The following RAPH1 variants were observed in gnomAD, a reference collection of about 807,000 sequenced individuals.
RAPH1 encodes the protein ras-associated and pleckstrin homology domains-containing protein 1.
In RAPH1, 18 loss-of-function variants were observed where a neutral mutation model predicts 88.1. That is an observed-to-expected ratio of 0.20 (90% CI 0.14 to 0.30). RAPH1 has a LOEUF of 0.30. Among genes scored for constraint, RAPH1 ranks in the 10% least tolerant of loss-of-function variants. The probability of loss-of-function intolerance (pLI) is 1.00; values close to 1 mark genes in which losing one functional copy is unlikely to be tolerated. For synonymous variants in RAPH1, 587 were observed against 559.0 expected (o/e 1.05, Z -0.71); for missense variants, 1,448 against 1,543.2 (o/e 0.94, Z 1.03).
In RAPH1 at chr2:203,528,997, A is replaced by AT. The variant is rs1559508261; in HGVS notation, c.-1+6113dup. 2.0e-4 allele frequency among the ~76,000 whole-genome samples: 16 copies of AT among 81,100 alleles called. 1 individual carries two copies. Among genetic ancestry groups the AT allele is most frequent in the African/African-American group, 7.9e-4 (12 of 15,188 alleles). The allele number at this position is 81,100 out of a possible 152,430, so 53.2% of individuals were successfully genotyped here. Reference sequence around the variant, plus strand: ...TGTTTTGCTATATATATATATATATATATATATATTTTTTTTTTTTTTTTT... The same window carrying AT: ...TGTTTTGCTATATATATATATATATATTATATATATTTTTTTTTTTTTTTTT... On this transcript the variant is annotated intron_variant, in intron 1 of 13. Coordinates refer to ENST00000319170, the MANE Select transcript of RAPH1 (RefSeq NM_213589.3).
chr2:203,504,039 T>C (rs910509412), intron 1 of RAPH1, among the ~76,000 whole-genome samples: 1 of 152,196 alleles, frequency 6.6e-6, no homozygotes, highest in Non-Finnish European at 1.5e-5. Context: ...TCCTGGCTGC[T>C]TTCACGGGCT....
intron 4 of RAPH1, among the ~76,000 whole-genome samples, chr2:203,475,743 C>T (rs1687390590): frequency 7.2e-6 from 1 of 139,520 alleles, no homozygotes. Context: ...TCCTACACTT[C>T]TTGTATAAAA....
In RAPH1 at chr2:203,489,889, T is replaced by C. The variant is rs1007128169; in HGVS notation, c.427A>G (p.Ile143Val). The change falls in exon 4 of 14, where the codon ATA becomes GTA. Residue 143 changes from isoleucine to valine, a missense_variant. Physicochemically the swap from Ile to Val is conservative, Grantham distance 29. Transcript: ENST00000319170. The part of the protein sequence containing the change: ...LKGLSSSSNR[I>V]AKPSHASYSL... Reference sequence around the variant, plus strand: ...TAGCTGGCATGGGAAGGTTTAGCTATCCTATTAGATGAAGAAGATAATCCT... The same window carrying C: ...TAGCTGGCATGGGAAGGTTTAGCTACCCTATTAGATGAAGAAGATAATCCT... 1.9e-6 allele frequency: 3 copies of C among 1,614,116 alleles called. No homozygotes were observed. Among genetic ancestry groups the C allele is most frequent in the East Asian group, 2.2e-5 (1 of 44,898 alleles).
At chr2:203,471,682 A>G (rs1346928679) in intron 4 of RAPH1, among the ~76,000 whole-genome samples, 1 of 152,204 alleles carries the variant, frequency 6.6e-6, no homozygotes, top group Non-Finnish European at 1.5e-5. Context: ...CATGTTACAG[A>G]AGACAATATA....
chr2:203,444,896 C>T lies in RAPH1; in HGVS notation c.1748G>A (p.Arg583Gln), dbSNP rs753262363. ...VSSVFSEAWK[R>Q]GTQLEESSKA... is the part of the protein sequence containing the mutation. The stretch of plus-strand genomic sequence containing the variant: ...GCTGGACTCTTCCAACTGAGTGCCT[C>T]GTTTCCAGGCTTCAGAGAATACGGA... The change falls in exon 13 of 14, where the codon CGA becomes CAA. Residue 583 changes from arginine (R) to glutamine (Q), a missense_variant. Physicochemically the swap from Arg to Gln is conservative, Grantham distance 43. Transcript: ENST00000319170. The T allele has an allele frequency of 2.5e-6, 4 of 1,613,996 alleles. No homozygotes were observed. The highest frequency in any genetic ancestry group is 2.2e-5 in the East Asian group (1 of 44,894).
At chr2:203,443,799 G>A (rs1039605331) in intron 13 of RAPH1, 2 of 152,258 alleles carry the variant, frequency 1.3e-5, no homozygotes, top group Non-Finnish European at 2.9e-5. Context: ...AGGCAAAATA[G>A]CCAGACCTTG....
At chr2:203,494,718 A>T in intron 2 of RAPH1, among the ~76,000 whole-genome samples, 2 of 151,290 alleles carry the variant, frequency 1.3e-5, no homozygotes, top group East Asian at 3.9e-4. Context: ...CTGAGGCAGG[A>T]GAATGGCGTG....
intron 7 of RAPH1, among the ~76,000 whole-genome samples, 190 bp downstream of exon 7, chr2:203,459,717 G>A (rs139938344): frequency 0.012 from 1,865 of 152,248 alleles, 19 homozygotes; most frequent in Non-Finnish European, 0.018. Flanking sequence ...GGCCTAACAC[G>A]TGGGCACCAG....
At chr2:203,502,003 AGCAACAAAGTTCCTTTT>A (rs1210085235) in intron 1 of RAPH1, among the ~76,000 whole-genome samples, 1 of 152,150 alleles carries the variant, frequency 6.6e-6, no homozygotes, top group Non-Finnish European at 1.5e-5. Flanking sequence ...CAAATTCTCT[AGCAACAAAGTTCCTTTT>A]GTAGACCAGT....
At chr2:203,446,934 T>A (rs1039826152) in intron 12 of RAPH1, 1 of 148,422 alleles carries the variant, frequency 6.7e-6, no homozygotes, top group East Asian at 2.0e-4. Flanking sequence ...AAAAAAGTTG[T>A]GGAGATGGGG....
Position 203,454,498 on chromosome 2 carries a change from T to C in RAPH1, c.1345A>G (p.Asn449Asp). 6.2e-7 allele frequency: 1 copy of C among 1,613,800 alleles called. No individual in the cohort carries two copies. The highest frequency in any genetic ancestry group is 8.5e-7 in the Non-Finnish European group (1 of 1,179,900). The change falls in exon 10 of 14, where the codon AAC (asparagine) becomes GAC (aspartate). Residue 449 changes from asparagine (N) to aspartate (D), a missense_variant. Coordinates refer to ENST00000319170, the MANE Select transcript of RAPH1 (RefSeq NM_213589.3). ...LVCFLQLDHV[N>D]VYYGQDYRNK... is the part of the protein sequence containing the mutation. ...CGATAGTCCTGGCCATAATAAACGTTGACATGATCCAGCTGGAGAAAGCAC... is the reference window on the plus strand; with the variant it reads ...CGATAGTCCTGGCCATAATAAACGTCGACATGATCCAGCTGGAGAAAGCAC...
intron 1 of RAPH1, chr2:203,533,342 T>C (rs896770642): frequency 1.3e-5 from 2 of 152,216 alleles, no homozygotes; most frequent in African/African-American, 4.8e-5. Context: ...CAAAAAATCA[T>C]GAATTAAGCT....
intron 10 of RAPH1, among the ~76,000 whole-genome samples, chr2:203,449,589 C>G (rs1033257943): frequency 1.3e-5 from 2 of 152,122 alleles, no homozygotes; most frequent in African/African-American, 4.8e-5. Flanking sequence ...ACCAGTAGGT[C>G]CTTGGAAAGA....
chr2:203,450,964 C>T (rs780640846), intron 10 of RAPH1, among the ~76,000 whole-genome samples: 1 of 151,434 alleles, frequency 6.6e-6, no homozygotes, highest in Admixed American at 6.6e-5. Context: ...CCACCCTGTT[C>T]TCCTCATCTC....
intron 1 of RAPH1, among the ~76,000 whole-genome samples, chr2:203,518,067 G>A (rs921867928): frequency 6.6e-6 from 1 of 151,902 alleles, no homozygotes; most frequent in Non-Finnish European, 1.5e-5. Flanking sequence ...CAAAACCAAA[G>A]CTGGTTCTTA....
intron 4 of RAPH1, among the ~76,000 whole-genome samples, chr2:203,462,372 T>C (rs1184709094): frequency 1.3e-5 from 2 of 152,206 alleles, no homozygotes; most frequent in African/African-American, 4.8e-5. Flanking sequence ...ACTGAAAGTA[T>C]ACCACTATCA....
At chr2:203,524,529 T>C (rs1020331953) in intron 1 of RAPH1, among the ~76,000 whole-genome samples, 3 of 152,146 alleles carry the variant, frequency 2.0e-5, no homozygotes, top group Non-Finnish European at 4.4e-5. Context: ...TGGAATACTT[T>C]AGCAATAAAA....
Position 203,439,898 on chromosome 2 carries a change from A to C in RAPH1, c.3292T>G (p.Ser1098Ala), listed in dbSNP as rs775296117. 4 of 1,613,670 alleles carry C rather than the reference A, an allele frequency of 2.5e-6. No individual in the cohort carries two copies. The highest frequency in any genetic ancestry group is 2.2e-5 in the East Asian group (1 of 44,860). The change falls in exon 14 of 14, where the codon TCT becomes GCT. Residue 1098 changes from serine (S) to alanine (A), a missense_variant. This residue lies in a region of RAPH1 where 935 missense variants were observed against 890.1 expected (regional missense o/e 1.05). Transcript: ENST00000319170. ...EIPAVFSGNT[S>A]PKVAVVNPQP... Reference sequence around the variant, plus strand: ...GGATTAACGACTGCCACTTTTGGAGAGGTGTTTCCCGAGAAAACTGCTGGA... The same window carrying C: ...GGATTAACGACTGCCACTTTTGGAGCGGTGTTTCCCGAGAAAACTGCTGGA...
At chr2:203,502,879 C>T (rs1266091291) in intron 1 of RAPH1, among the ~76,000 whole-genome samples, 1 of 145,892 alleles carries the variant, frequency 6.9e-6, no homozygotes, top group Admixed American at 6.8e-5. Context: ...CACAGTGGCT[C>T]ACACCTGTAA....
Sources: allele counts gnomAD v4.1 joint callset (sites outside exome capture counted in the v4.1 genomes callset), GRCh38; gene constraint gnomAD v4.1.1; regional missense constraint gnomAD v4.1.1; transcripts MANE v1.5; gene names NCBI Gene and HGNC (gene_info 2026-07-23, HGNC 2026-07-21).